GJB4: variants seen among roughly 807,000 people sequenced by gnomAD.
GJB4 encodes the protein gap junction protein beta 4, also known as gap junction beta-4 protein.
For synonymous variants in GJB4, 162 were observed against 158.1 expected (o/e 1.02, Z -0.18); for missense variants, 371 against 363.8 (o/e 1.02, Z -0.16).
chr1:34,762,091 C>A lies in GJB4; in HGVS notation c.*36C>A. On this transcript the variant is annotated 3_prime_UTR_variant, in exon 2 of 2. Coordinates refer to ENST00000339480, the MANE Select transcript of GJB4 (RefSeq NM_153212.3). ...CAGCAGATAAGATCAACAGGTCCCC[C>A]CCACATGAGGCCACCCAGGAAAAAA... 6.4e-7 allele frequency: 1 copy of A among 1,563,938 alleles called. No individual in the cohort carries two copies. Among genetic ancestry groups the A allele is most frequent in the Non-Finnish European group, 8.7e-7 (1 of 1,148,744 alleles).
chr1:34,761,304 C>T lies in GJB4; in HGVS notation c.50C>T (p.Ser17Phe), dbSNP rs746850012. The T allele has an allele frequency of 1.4e-5, 22 of 1,613,926 alleles. No homozygotes were observed. In the South Asian group the frequency reaches 1.4e-4, roughly 10 times the overall value. Residue 17 changes from serine to phenylalanine, a missense_variant, in exon 2 of 2, where the codon TCC becomes TTC. Transcript: ENST00000339480. The surrounding 1 kb of genome is among the most constrained non-coding windows in gnomAD (Gnocchi z 4.4). Reference sequence around the variant, plus strand: ...CTGCTGAGTGGCGTGAACAAGTACTCCACAGTGCTGAGCCGCATCTGGCTG... The same window carrying T: ...CTGCTGAGTGGCGTGAACAAGTACTTCACAGTGCTGAGCCGCATCTGGCTG... ...QGLLSGVNKY[S>F]TVLSRIWLSV...
At position 34,762,093 on chromosome 1, in the gene GJB4, C is replaced by G. The variant is rs372744155; in HGVS notation, c.*38C>G. The G allele has an allele frequency of 2.8e-5, 43 of 1,548,262 alleles. 1 individual carries two copies. Among genetic ancestry groups the G allele is most frequent in the East Asian group, 1.9e-4 (8 of 42,210 alleles). Reference sequence around the variant, plus strand: ...GCAGATAAGATCAACAGGTCCCCCCCACATGAGGCCACCCAGGAAAAAAGG... The same window carrying G: ...GCAGATAAGATCAACAGGTCCCCCCGACATGAGGCCACCCAGGAAAAAAGG... On this transcript the variant is annotated 3_prime_UTR_variant, in exon 2 of 2. Coordinates refer to ENST00000339480, the MANE Select transcript of GJB4 (RefSeq NM_153212.3).
In GJB4 at chr1:34,762,109, G is replaced by A. The variant is rs1006416307; in HGVS notation, c.*54G>A. The A allele has an allele frequency of 4.6e-6, 7 of 1,517,774 alleles. No homozygotes were observed. In the African/African-American group the frequency reaches 8.3e-5, roughly 18 times the overall value. 94.0% of individuals were successfully genotyped at this position (1,517,774 alleles called of 1,614,324 possible). On this transcript the variant is annotated 3_prime_UTR_variant, in exon 2 of 2. Coordinates refer to ENST00000339480, the MANE Select transcript of GJB4 (RefSeq NM_153212.3). ...GGTCCCCCCCACATGAGGCCACCCA[G>A]GAAAAAAGGCAGGGGCAGTGGCATC...
In GJB4 at chr1:34,761,677, G is replaced by C; in HGVS notation, c.423G>C (p.Val141=). Residue 141 remains valine, a synonymous_variant, in exon 2 of 2, where the codon GTG becomes GTC. Coordinates refer to ENST00000339480, the MANE Select transcript of GJB4 (RefSeq NM_153212.3). This position sits in a 1 kb window ranked among gnomAD's most constrained non-coding sequence, Gnocchi z 4.4. ...TGAGCCTCATCTTCAAGGCCGCCGT[G>C]GATGCTGGCTTCCTCTATATCTTCC... The part of the protein sequence containing the change: ...YLLSLIFKAA[V]DAGFLYIFHR... 6.2e-7 allele frequency: 1 copy of C among 1,614,208 alleles called. No homozygotes were observed. Among genetic ancestry groups the C allele is most frequent in the Non-Finnish European group, 8.5e-7 (1 of 1,180,044 alleles).
Position 34,761,390 on chromosome 1 carries a change from G to C in GJB4, c.136G>C (p.Asp46His). The change falls in exon 2 of 2, where the codon GAT becomes CAT. Residue 46 changes from aspartate to histidine, a missense_variant. Asp to His is a moderately conservative substitution (Grantham distance 81, BLOSUM62 -1). Coordinates refer to ENST00000339480, the MANE Select transcript of GJB4 (RefSeq NM_153212.3). The surrounding 1 kb of genome is among the most constrained non-coding windows in gnomAD (Gnocchi z 4.4). ...YVVAAEEVWD[D>H]EQKDFVCNTK... Reference sequence around the variant, plus strand: ...GGTGGCAGCGGAGGAGGTGTGGGACGATGAGCAGAAGGACTTTGTCTGCAA... The same window carrying C: ...GGTGGCAGCGGAGGAGGTGTGGGACCATGAGCAGAAGGACTTTGTCTGCAA... The C allele has an allele frequency of 6.2e-7, 1 of 1,613,702 alleles. No individual in the cohort carries two copies. The highest frequency in any genetic ancestry group is 8.5e-7 in the Non-Finnish European group (1 of 1,179,780).
Position 34,760,857 on chromosome 1 carries a change from G to GA in GJB4, c.-322-73dup. 9.1e-6 allele frequency: 3 copies of GA among 329,080 alleles called. No individual in the cohort carries two copies. The Admixed American group carries it at 1.2e-4, about 13-fold the overall frequency. The allele number at this position is 329,080 out of a possible 1,614,324, so 20.4% of individuals were successfully genotyped here. A position where few individuals can be genotyped will look rare whatever the true frequency, so the allele number is the denominator to read the frequency against. ...ACGGTCTCTTTAGAAGACATGGGCT[G>GA]AAACTTGGGGTAATAGAGGTTGGCT... is the stretch of plus-strand genomic sequence containing the variant. On this transcript the variant is annotated intron_variant, in intron 1 of 1. Transcript: ENST00000339480.
Position 34,761,624 on chromosome 1 carries a change from C to A in GJB4, c.370C>A (p.Arg124=), listed in dbSNP as rs373126632. Residue 124 remains arginine (R), a synonymous_variant, in exon 2 of 2, where the codon CGG becomes AGG. Transcript: ENST00000339480. The surrounding 1 kb of genome is among the most constrained non-coding windows in gnomAD (Gnocchi z 4.4). Reference sequence around the variant, plus strand: ...CCTGTACGACAACCTGAGCAAGAAGCGGGGCGGACTGTGGTGGACGTACTT... The same window carrying A: ...CCTGTACGACAACCTGAGCAAGAAGAGGGGCGGACTGTGGTGGACGTACTT... ...PSLYDNLSKK[R]GGLWWTYLLS... is the part of the protein sequence containing the mutation. 6.2e-7 allele frequency: 1 copy of A among 1,614,106 alleles called. No individual in the cohort carries two copies. Among genetic ancestry groups the A allele is most frequent in the Non-Finnish European group, 8.5e-7 (1 of 1,180,042 alleles).
In GJB4 at chr1:34,762,241, C is replaced by T. The variant is rs1262757731; in HGVS notation, c.*186C>T. ...AGTTTGGTCCCTGGGTCCTGAGCCTCAGGGGAGGGAGGTTGATAGCTACTG... is the reference window on the plus strand; with the variant it reads ...AGTTTGGTCCCTGGGTCCTGAGCCTTAGGGGAGGGAGGTTGATAGCTACTG... On this transcript the variant is annotated 3_prime_UTR_variant, in exon 2 of 2. Transcript: ENST00000339480. 6.1e-6 allele frequency: 4 copies of T among 659,474 alleles called. No individual in the cohort carries two copies. The Admixed American group carries it at 7.2e-5, about 12-fold the overall frequency. 40.9% of individuals were successfully genotyped at this position (659,474 alleles called of 1,614,324 possible). A position where few individuals can be genotyped will look rare whatever the true frequency, so the allele number is the denominator to read the frequency against.
At position 34,761,005 on chromosome 1, in the gene GJB4, C is replaced by A; in HGVS notation, c.-250C>A. 1.7e-6 allele frequency: 1 copy of A among 577,716 alleles called. No individual in the cohort carries two copies. The allele number at this position is 577,716 out of a possible 1,614,324, so 35.8% of individuals were successfully genotyped here. The stretch of plus-strand genomic sequence containing the variant: ...TAGCTCTGCTACTTCCATCTGTGGA[C>A]CATTGGGCAGGTATCTCTGGGCCTT... On this transcript the variant is annotated 5_prime_UTR_variant, in exon 2 of 2. Coordinates refer to ENST00000339480, the MANE Select transcript of GJB4 (RefSeq NM_153212.3). The surrounding 1 kb of genome is among the most constrained non-coding windows in gnomAD (Gnocchi z 4.4).
Position 34,761,613 on chromosome 1 carries a change from T to C in GJB4, c.359T>C (p.Leu120Pro). ...GPNAPSLYDN[L>P]SKKRGGLWWT... ...AATGCCCCGTCCCTGTACGACAACC[T>C]GAGCAAGAAGCGGGGCGGACTGTGG... Residue 120 changes from leucine (L) to proline (P), a missense_variant, in exon 2 of 2, where the codon CTG becomes CCG. Physicochemically the swap from Leu to Pro is moderately conservative, Grantham distance 98. Transcript: ENST00000339480. This position sits in a 1 kb window ranked among gnomAD's most constrained non-coding sequence, Gnocchi z 4.4. 6.2e-7 allele frequency: 1 copy of C among 1,614,240 alleles called. No individual in the cohort carries two copies. The highest frequency in any genetic ancestry group is 8.5e-7 in the Non-Finnish European group (1 of 1,180,034).
intron 1 of GJB4, among the ~76,000 whole-genome samples, chr1:34,760,166 CT>C (rs1639685033): frequency 6.6e-6 from 1 of 152,062 alleles, no homozygotes; most frequent in Admixed American, 6.5e-5. Context: ...CAGGCGATGC[CT>C]CTTGCTCTGA....
Position 34,761,541 on chromosome 1 carries a change from C to T in GJB4, c.287C>T (p.Ala96Val), listed in dbSNP as rs1339282234. 3.7e-6 allele frequency: 6 copies of T among 1,614,182 alleles called. No individual in the cohort carries two copies. In the Admixed American group the frequency reaches 5.0e-5, roughly 13 times the overall value. ...TCACTGCTCGTGGTCATGCACGTGG[C>T]CTACCGCGAGGAACGCGAGCGCAAG... Reference protein sequence around the residue: ...CPSLLVVMHVAYREERERKHH... With the variant: ...CPSLLVVMHVVYREERERKHH... Residue 96 changes from alanine to valine, a missense_variant, in exon 2 of 2, where the codon GCC becomes GTC. Coordinates refer to ENST00000339480, the MANE Select transcript of GJB4 (RefSeq NM_153212.3). The surrounding 1 kb of genome is among the most constrained non-coding windows in gnomAD (Gnocchi z 4.4).
In GJB4 at chr1:34,761,290, C is replaced by T. The variant is rs778490348; in HGVS notation, c.36C>T (p.Gly12=). 94 of 1,614,050 alleles carry T rather than the reference C, an allele frequency of 5.8e-5. No individual in the cohort carries two copies. The highest frequency in any genetic ancestry group is 1.6e-4 in the Middle Eastern group (1 of 6,084). Residue 12 remains glycine (G), a synonymous_variant, in exon 2 of 2, where the codon GGC becomes GGT. Transcript: ENST00000339480. The surrounding 1 kb of genome is among the most constrained non-coding windows in gnomAD (Gnocchi z 4.4). ...NWAFLQGLLS[G]VNKYSTVLSR... Reference sequence around the variant, plus strand: ...CATTTCTGCAGGGCCTGCTGAGTGGCGTGAACAAGTACTCCACAGTGCTGA... The same window carrying T: ...CATTTCTGCAGGGCCTGCTGAGTGGTGTGAACAAGTACTCCACAGTGCTGA...
Position 34,761,263 on chromosome 1 carries a change from G to A in GJB4, c.9G>A (p.Trp3Ter). 1 of 1,614,160 alleles carries A rather than the reference G, an allele frequency of 6.2e-7. No homozygotes were observed. The highest frequency in any genetic ancestry group is 1.1e-5 in the South Asian group (1 of 91,070). MN[W>*]AFLQGLLSGV... ...CCCAGGACACAGCCAGCATGAACTGGGCATTTCTGCAGGGCCTGCTGAGTG... is the reference window on the plus strand; with the variant it reads ...CCCAGGACACAGCCAGCATGAACTGAGCATTTCTGCAGGGCCTGCTGAGTG... Residue 3 changes from tryptophan to a stop codon, truncating the protein, a stop_gained, in exon 2 of 2, where the codon TGG becomes TGA. Coordinates refer to ENST00000339480, the MANE Select transcript of GJB4 (RefSeq NM_153212.3). LOFTEE classifies it low-confidence loss of function (END_TRUNC). This position sits in a 1 kb window ranked among gnomAD's most constrained non-coding sequence, Gnocchi z 4.4.
Position 34,761,407 on chromosome 1 carries a change from T to C in GJB4, c.153T>C (p.Phe51=), listed in dbSNP as rs758857197. 1 of 1,484,516 alleles carries C rather than the reference T, an allele frequency of 6.7e-7. No individual in the cohort carries two copies. Among genetic ancestry groups the C allele is most frequent in the Non-Finnish European group, 9.3e-7 (1 of 1,070,642 alleles). The allele number at this position is 1,484,516 out of a possible 1,614,324, so 92.0% of individuals were successfully genotyped here. The change falls in exon 2 of 2, where the codon TTT becomes TTC. Residue 51 remains phenylalanine (F), a synonymous_variant. Transcript: ENST00000339480. This position sits in a 1 kb window ranked among gnomAD's most constrained non-coding sequence, Gnocchi z 4.4. ...TGTGGGACGATGAGCAGAAGGACTT[T>C]GTCTGCAACACCAAGCAGCCCGGCT... ...EEVWDDEQKD[F]VCNTKQPGCP...
chr1:34,760,420 G>A (rs1639689589), intron 1 of GJB4, among the ~76,000 whole-genome samples: 1 of 152,174 alleles, frequency 6.6e-6, no homozygotes, highest in Non-Finnish European at 1.5e-5. Context: ...TAAATGGGGG[G>A]TCCAGACCAT....
chr1:34,762,021 G>C lies in GJB4; in HGVS notation c.767G>C (p.Gly256Ala). The change falls in exon 2 of 2, where the codon GGG becomes GCG. Residue 256 changes from glycine to alanine, a missense_variant. Coordinates refer to ENST00000339480, the MANE Select transcript of GJB4 (RefSeq NM_153212.3). ...GGGAACTCTGTCCTAATGAAGGCTG[G>C]GTCGGCCCCAGTGGATGCAGGTGGG... is the stretch of plus-strand genomic sequence containing the variant. ...EDGNSVLMKA[G>A]SAPVDAGGYP 6.2e-7 allele frequency: 1 copy of C among 1,614,052 alleles called. No homozygotes were observed. Among genetic ancestry groups the C allele is most frequent in the Non-Finnish European group, 8.5e-7 (1 of 1,179,968 alleles).
Position 34,762,230 on chromosome 1 carries a change from G to A in GJB4, c.*175G>A. 2.9e-6 allele frequency: 2 copies of A among 683,876 alleles called. No homozygotes were observed. Among genetic ancestry groups the A allele is most frequent in the Admixed American group, 4.5e-5 (2 of 44,774 alleles). The allele number at this position is 683,876 out of a possible 1,614,324, so 42.4% of individuals were successfully genotyped here. ...AGGTTGGGGGTAGTTTGGTCCCTGG[G>A]TCCTGAGCCTCAGGGGAGGGAGGTT... On this transcript the variant is annotated 3_prime_UTR_variant, in exon 2 of 2. Transcript: ENST00000339480.
In GJB4 at chr1:34,761,146, A is replaced by G; in HGVS notation, c.-109A>G. On this transcript the variant is annotated 5_prime_UTR_variant, in exon 2 of 2. Transcript: ENST00000339480. The surrounding 1 kb of genome is among the most constrained non-coding windows in gnomAD (Gnocchi z 4.4). The stretch of plus-strand genomic sequence containing the variant: ...GATTTTGTCAATCGCACCAGCATTA[A>G]GGGTGCCCATCTCCAGGTTCCCCCA... 1.0e-6 allele frequency: 1 copy of G among 957,026 alleles called. No homozygotes were observed. The highest frequency in any genetic ancestry group is 1.7e-6 in the Non-Finnish European group (1 of 601,800). The allele number at this position is 957,026 out of a possible 1,614,324, so 59.3% of individuals were successfully genotyped here. A position where few individuals can be genotyped will look rare whatever the true frequency, so the allele number is the denominator to read the frequency against.
Sources: gnomAD v4.1 joint callset for allele counts (sites outside exome capture counted in the v4.1 genomes callset) on GRCh38, gnomAD v4.1.1 for gene constraint, Gnocchi (gnomAD v3.1) non-coding constraint, MANE v1.5 for transcripts, NCBI Gene and HGNC (gene_info 2026-07-23, HGNC 2026-07-21) for gene names.